RERE: variants seen among roughly 807,000 people sequenced by gnomAD.
RERE encodes arginine-glutamic acid dipeptide repeats protein.
A neutral mutation model predicts 146.1 loss-of-function variants in RERE; 40 were observed. The ratio of observed to expected loss-of-function variants is 0.27; its 90% CI spans 0.21 to 0.36. The LOEUF (loss-of-function observed/expected upper bound fraction) is 0.36, where lower values mean the gene tolerates loss of function less well. Among genes scored for constraint, RERE ranks in the 10% least tolerant of loss-of-function variants. RERE has a pLI of 1.00. For missense variants in RERE, 1,933 were observed against 2,138.7 expected, an observed-to-expected ratio of 0.90 and a Z score of 1.90; for synonymous variants, 1,003 against 866.0, an observed-to-expected ratio of 1.16 and a Z score of -2.78.
chr1:8,441,618 C>T lies in RERE; in HGVS notation c.1204-18811G>A, dbSNP rs963049966. ...AGTGGAAGTGTCATCTGATAGATTGCGGAAAGTCATATCTGACGACAAATT... is the reference window on the plus strand; with the variant it reads ...AGTGGAAGTGTCATCTGATAGATTGTGGAAAGTCATATCTGACGACAAATT... On this transcript the variant is annotated intron_variant, in intron 11 of 22. Coordinates refer to ENST00000400908, the MANE Select transcript of RERE (RefSeq NM_001042681.2). Among the ~76,000 whole-genome samples, 43 of 152,184 alleles carry T rather than the reference C, an allele frequency of 2.8e-4. 1 individual carries two copies. The highest frequency in any genetic ancestry group is 7.2e-4 in the Admixed American group (11 of 15,280).
chr1:8,387,101 A>T (rs1486615330), intron 12 of RERE, among the ~76,000 whole-genome samples: 1 of 152,254 alleles, frequency 6.6e-6, no homozygotes, highest in Non-Finnish European at 1.5e-5. Context: ...ATTATCCTAA[A>T]GCTAGACAGT....
intron 4 of RERE, among the ~76,000 whole-genome samples, chr1:8,571,634 CTTCCTT>C (rs1272015097): frequency 6.6e-6 from 1 of 152,212 alleles, no homozygotes; most frequent in Non-Finnish European, 1.5e-5. Context: ...TATTTCTTCT[CTTCCTT>C]TAACTTAAAC....
rs772209543 is a variant in RERE, at chr1:8,362,664, T to A, written c.1902+19A>T. 1.2e-6 allele frequency: 2 copies of A among 1,614,184 alleles called. No individual in the cohort carries two copies. The highest frequency in any genetic ancestry group is 3.3e-5 in the Admixed American group (2 of 60,026). ...GAGGGAGGGACAGAGTAGGCCCTAC[T>A]ATCCCCCCAGCACCTGACCTTGGCC... On this transcript the variant is annotated intron_variant, in intron 16 of 22. Coordinates refer to ENST00000400908, the MANE Select transcript of RERE (RefSeq NM_001042681.2).
At chr1:8,784,595 G>A (rs1305973337) in intron 1 of RERE, among the ~76,000 whole-genome samples, 1 of 151,996 alleles carries the variant, frequency 6.6e-6, no homozygotes, top group Non-Finnish European at 1.5e-5. Flanking sequence ...TCTTTTTCTG[G>A]AAACAGAATT....
At chr1:8,642,793 ATCTTAAGGAC>A (rs1647197346) in intron 2 of RERE, among the ~76,000 whole-genome samples, 1 of 152,174 alleles carries the variant, frequency 6.6e-6, no homozygotes, top group South Asian at 2.1e-4. Context: ...ATAAATATCA[ATCTTAAGGAC>A]TCTTCCCAAA....
intron 1 of RERE, among the ~76,000 whole-genome samples, chr1:8,800,658 T>C (rs1248164772): frequency 6.6e-6 from 1 of 151,648 alleles, no homozygotes; most frequent in Non-Finnish European, 1.5e-5. Context: ...GAAAGAGAGA[T>C]TCCGTCTCTA....
chr1:8,389,190 G>A (rs900916145), intron 12 of RERE, among the ~76,000 whole-genome samples: 25 of 152,122 alleles, frequency 1.6e-4, no homozygotes, highest in African/African-American at 5.8e-4. Context: ...AGATAAGGCC[G>A]AAAATGACTA....
At chr1:8,562,908 A>T (rs1452566371) in intron 4 of RERE, among the ~76,000 whole-genome samples, 2 of 152,186 alleles carry the variant, frequency 1.3e-5, no homozygotes, top group African/African-American at 4.8e-5. Context: ...GCTATCTGGG[A>T]GCAGAATAGC....
At chr1:8,693,370 A>T (rs1040172651) in intron 1 of RERE, among the ~76,000 whole-genome samples, 10 of 152,248 alleles carry the variant, frequency 6.6e-5, no homozygotes, top group African/African-American at 2.4e-4. Flanking sequence ...TAAGCAGATA[A>T]ATAAACTTCA....
intron 12 of RERE, among the ~76,000 whole-genome samples, chr1:8,373,692 A>G (rs1208947335): frequency 6.6e-6 from 1 of 152,170 alleles, no homozygotes; most frequent in East Asian, 1.9e-4. Flanking sequence ...GCTGCTGCCG[A>G]GTGCAGTCAG....
At chr1:8,700,755 T>C (rs1189082007) in intron 1 of RERE, among the ~76,000 whole-genome samples, 3 of 152,192 alleles carry the variant, frequency 2.0e-5, no homozygotes, top group Non-Finnish European at 2.9e-5. Context: ...CCATTTTTCA[T>C]TGTTGATTTT....
chr1:8,667,938 G>A (rs1389045641), intron 1 of RERE, among the ~76,000 whole-genome samples: 1 of 152,210 alleles, frequency 6.6e-6, no homozygotes, highest in Non-Finnish European at 1.5e-5. Context: ...AGGATATTTC[G>A]CAGCATTCCT....
intron 4 of RERE, among the ~76,000 whole-genome samples, chr1:8,558,908 G>A (rs1257478804): frequency 4.7e-5 from 7 of 149,118 alleles, no homozygotes; most frequent in African/African-American, 1.7e-4. Context: ...CGATTCTCCT[G>A]CCTCAGCCTC....
At chr1:8,486,401 T>C (rs1004171686) in intron 10 of RERE, among the ~76,000 whole-genome samples, 2 of 152,028 alleles carry the variant, frequency 1.3e-5, no homozygotes, top group Admixed American at 1.3e-4. Context: ...AAAATAAAAC[T>C]TAGAGAAGCC....
intron 1 of RERE, among the ~76,000 whole-genome samples, chr1:8,788,042 T>C (rs1641290501): frequency 6.6e-6 from 1 of 151,822 alleles, no homozygotes; most frequent in South Asian, 2.1e-4. Context: ...AGGCTGCAGT[T>C]AGCCATGATG....
intron 12 of RERE, chr1:8,380,853 G>C (rs1020172860): frequency 2.2e-6 from 1 of 456,644 alleles, no homozygotes; most frequent in African/African-American, 2.0e-5. Flanking sequence ...TCCAGAGCTG[G>C]ACCTTGGAGT....
At chr1:8,612,842 G>A (rs1646808588) in intron 4 of RERE, among the ~76,000 whole-genome samples, 1 of 152,092 alleles carries the variant, frequency 6.6e-6, no homozygotes, top group Non-Finnish European at 1.5e-5. Context: ...AATTTGTCCC[G>A]TAAGATGTCA....
chr1:8,711,991 A>C (rs149952198), intron 1 of RERE, among the ~76,000 whole-genome samples: 124 of 152,370 alleles, frequency 8.1e-4, no homozygotes, highest in African/African-American at 2.9e-3. Context: ...ATGTTTCAAA[A>C]AATTAAATGA....
Position 8,360,273 on chromosome 1 carries a change from G to A in RERE, c.3234C>T (p.Gly1078=), listed in dbSNP as rs1641506037. The change falls in exon 18 of 23, where the codon GGC becomes GGT. Residue 1078 remains glycine (G), a synonymous_variant. Coordinates refer to ENST00000400908, the MANE Select transcript of RERE (RefSeq NM_001042681.2). ...GGCAGGACGACCCCCCCGCTATGCTGCCTCCTGAAGCCGCCGCACCAGAGC... is the reference window on the plus strand; with the variant it reads ...GGCAGGACGACCCCCCCGCTATGCTACCTCCTGAAGCCGCCGCACCAGAGC... ...PPCSGAAASG[G]SIAGGSSCPL... is the part of the protein sequence containing the mutation. The A allele has an allele frequency of 6.4e-7, 1 of 1,565,768 alleles. No homozygotes were observed.
Sources: allele counts gnomAD v4.1 joint callset (sites outside exome capture counted in the v4.1 genomes callset), GRCh38; gene constraint gnomAD v4.1.1; transcripts MANE v1.5; gene names NCBI Gene and HGNC (gene_info 2026-07-23, HGNC 2026-07-21).